The following CLMN variants were observed in gnomAD, a reference collection of about 807,000 sequenced individuals.
The protein encoded by CLMN is calmin.
A neutral mutation model predicts 92.7 loss-of-function variants in CLMN; 57 were observed. The observed-to-expected ratio is 0.61, with a 90% CI of 0.50 to 0.77. The LOEUF (loss-of-function observed/expected upper bound fraction) is 0.77. Among genes scored for constraint, CLMN ranks in the 30% least tolerant of loss-of-function variants. CLMN has a pLI of 0.00. For missense variants in CLMN, 1,158 were observed against 1,237.5 expected (o/e 0.94, Z 0.96); for synonymous variants, 466 against 470.6 (o/e 0.99, Z 0.13).
At position 95,256,913 on chromosome 14, in the gene CLMN, A is replaced by G. The variant is rs1425130176; in HGVS notation, c.83-26780T>C. ...TAGCAGATAGGGAAAAGGAGAGGGC[A>G]TTCTCCATGTTGGGAACAGCAAGGG... is the stretch of plus-strand genomic sequence containing the variant. On this transcript the variant is annotated intron_variant, in intron 1 of 12. Coordinates refer to ENST00000298912, the MANE Select transcript of CLMN (RefSeq NM_024734.4). The surrounding 1 kb of genome is among the most constrained non-coding windows in gnomAD (Gnocchi z 4.9). Among the ~76,000 whole-genome samples, 1 of 152,182 alleles carries G rather than the reference A, an allele frequency of 6.6e-6. No individual in the cohort carries two copies. Among genetic ancestry groups the G allele is most frequent in the Non-Finnish European group, 1.5e-5 (1 of 68,036 alleles).
chr14:95,288,281 G>T (rs1400992192), intron 1 of CLMN, among the ~76,000 whole-genome samples: 2 of 152,204 alleles, frequency 1.3e-5, no homozygotes, highest in Non-Finnish European at 2.9e-5. Flanking sequence ...TGATCCAGAG[G>T]ACTAAGGTGC....
intron 1 of CLMN, among the ~76,000 whole-genome samples, chr14:95,316,951 T>C (rs1566929364): frequency 6.6e-6 from 1 of 152,316 alleles, no homozygotes; most frequent in East Asian, 1.9e-4. Context: ...ACTGTAGCCC[T>C]CCTTCCATCG....
intron 1 of CLMN, among the ~76,000 whole-genome samples, chr14:95,301,790 C>T (rs1009581749): frequency 3.9e-5 from 6 of 152,236 alleles, no homozygotes; most frequent in African/African-American, 1.2e-4. Flanking sequence ...TTTCCTGGAT[C>T]ACTCAACCCC....
At chr14:95,193,964 A>G in intron 11 of CLMN, 45 bp from the exon 12 acceptor site, 7 of 1,603,662 alleles carry the variant, frequency 4.4e-6, no homozygotes. Flanking sequence ...CCCAATTAGT[A>G]AAGATGAAAT....
At position 95,319,892 on chromosome 14, in the gene CLMN, C is replaced by G. The variant is rs1901976202; in HGVS notation, c.-100G>C. On this transcript the variant is annotated 5_prime_UTR_variant, in exon 1 of 13. Coordinates refer to ENST00000298912, the MANE Select transcript of CLMN (RefSeq NM_024734.4). Reference sequence around the variant, plus strand: ...AGCGGCACGCACCCGGCGAGGGCGCCGCGGAGCTGGAGTCGCGGCGGGCGC... The same window carrying G: ...AGCGGCACGCACCCGGCGAGGGCGCGGCGGAGCTGGAGTCGCGGCGGGCGC... The G allele has an allele frequency of 2.1e-6, 1 of 473,290 alleles. No individual in the cohort carries two copies. Among genetic ancestry groups the G allele is most frequent in the African/African-American group, 2.8e-5 (1 of 35,908 alleles). The allele number at this position is 473,290 out of a possible 1,614,324, so 29.3% of individuals were successfully genotyped here. A position where few individuals can be genotyped will look rare whatever the true frequency, so the allele number is the denominator to read the frequency against.
intron 1 of CLMN, among the ~76,000 whole-genome samples, chr14:95,309,955 G>A (rs189238414): frequency 6.6e-6 from 1 of 152,228 alleles, no homozygotes; most frequent in Admixed American, 6.5e-5. Context: ...GGTTTTACCA[G>A]CTAAAACCAA....
At chr14:95,220,569 T>C (rs988320427) in intron 4 of CLMN, among the ~76,000 whole-genome samples, 1 of 152,214 alleles carries the variant, frequency 6.6e-6, no homozygotes, top group African/African-American at 2.4e-5. Context: ...TGCCATGAAC[T>C]GTAATGCGCT....
At chr14:95,255,257 C>A (rs115661262) in intron 1 of CLMN, among the ~76,000 whole-genome samples, 1 of 152,168 alleles carries the variant, frequency 6.6e-6, no homozygotes, top group Admixed American at 6.5e-5. Flanking sequence ...AGCCACCCAA[C>A]CTGGGGTACA....
chr14:95,256,467 C>T lies in CLMN; in HGVS notation c.83-26334G>A, dbSNP rs1229788090. Among the ~76,000 whole-genome samples, 2 of 152,212 alleles carry T rather than the reference C, an allele frequency of 1.3e-5. No individual in the cohort carries two copies. Among genetic ancestry groups the T allele is most frequent in the Non-Finnish European group, 2.9e-5 (2 of 68,042 alleles). On this transcript the variant is annotated intron_variant, in intron 1 of 12. Transcript: ENST00000298912. The surrounding 1 kb of genome is among the most constrained non-coding windows in gnomAD (Gnocchi z 4.9). ...CACTCTAACTCCTTCTTTGTGAACA[C>T]GTTTTGACACAGTTTGCTCCCTGTG...
chr14:95,182,160 A>G lies in CLMN; in HGVS notation c.*9404T>C, dbSNP rs1310042472. Reference sequence around the variant, plus strand: ...GCACATTCATATATTGTTTATAAAGATCTTTTTTTTTACAAAGCTACAGCT... The same window carrying G: ...GCACATTCATATATTGTTTATAAAGGTCTTTTTTTTTACAAAGCTACAGCT... On this transcript the variant is annotated 3_prime_UTR_variant, in exon 13 of 13. Coordinates refer to ENST00000298912, the MANE Select transcript of CLMN (RefSeq NM_024734.4). The G allele has an allele frequency of 1.3e-5, 2 of 152,236 alleles. No individual in the cohort carries two copies. The highest frequency in any genetic ancestry group is 1.3e-4 in the Admixed American group (2 of 15,284). 9.4% of individuals were successfully genotyped at this position (152,236 alleles called of 1,614,324 possible). A position where few individuals can be genotyped will look rare whatever the true frequency, so the allele number is the denominator to read the frequency against.
At chr14:95,301,378 TG>T (rs767992627) in intron 1 of CLMN, among the ~76,000 whole-genome samples, 8 of 152,246 alleles carry the variant, frequency 5.3e-5, no homozygotes, top group Non-Finnish European at 7.3e-5. Context: ...GCCACATGAC[TG>T]GCATTTTGTG....
intron 1 of CLMN, among the ~76,000 whole-genome samples, chr14:95,286,744 G>A (rs918448662): frequency 3.3e-5 from 5 of 152,080 alleles, no homozygotes; most frequent in Non-Finnish European, 7.4e-5. Context: ...TGCAGGGAGG[G>A]GACTGCCCTT....
intron 1 of CLMN, among the ~76,000 whole-genome samples, chr14:95,245,238 T>TTATATATATATATTA (rs1898478569): frequency 3.5e-5 from 1 of 28,194 alleles, no homozygotes; most frequent in Non-Finnish European, 5.3e-5. Context: ...TATATATATA[T>TTATATATATATATTA]TATATATATA....
chr14:95,276,351 T>G (rs1164059609), intron 1 of CLMN, among the ~76,000 whole-genome samples: 3 of 152,212 alleles, frequency 2.0e-5, no homozygotes, highest in Admixed American at 2.0e-4. Flanking sequence ...TAGCCGCTAT[T>G]CTCTTTGGAT....
At chr14:95,291,073 T>C (rs952772437) in intron 1 of CLMN, among the ~76,000 whole-genome samples, 3 of 152,254 alleles carry the variant, frequency 2.0e-5, no homozygotes, top group Non-Finnish European at 4.4e-5. Context: ...TGTCAAATTC[T>C]TAATTTCTTC....
At chr14:95,283,118 AG>A (rs978146584) in intron 1 of CLMN, among the ~76,000 whole-genome samples, 4 of 152,204 alleles carry the variant, frequency 2.6e-5, no homozygotes, top group African/African-American at 7.2e-5. Context: ...ATGTTGTGAG[AG>A]GGACCCAGTG....
In CLMN at chr14:95,216,210, A is replaced by C. The variant is rs1897340497; in HGVS notation, c.325-477T>G. Among the ~76,000 whole-genome samples, 3 of 152,290 alleles carry C rather than the reference A, an allele frequency of 2.0e-5. No individual in the cohort carries two copies. The South Asian group carries it at 6.2e-4, about 32-fold the overall frequency. ...ACAGGCAAGAGAACGTGTGCAGGGG[A>C]ATTCCCTTTTATAAAACCATCAGCT... On this transcript the variant is annotated intron_variant, in intron 4 of 12. Transcript: ENST00000298912.
At chr14:95,245,245 T>C (rs1447050812) in intron 1 of CLMN, among the ~76,000 whole-genome samples, 8 of 33,580 alleles carry the variant, frequency 2.4e-4, no homozygotes, top group African/African-American at 1.3e-3. Context: ...ATATTATATA[T>C]ATATATATAA....
intron 5 of CLMN, among the ~76,000 whole-genome samples, chr14:95,214,072 C>T (rs1326830520): frequency 6.6e-6 from 1 of 152,000 alleles, no homozygotes; most frequent in Non-Finnish European, 1.5e-5. Flanking sequence ...CTAGCTGCCC[C>T]TGCTTGGAGC....
Sources: gnomAD v4.1 joint callset for allele counts (sites outside exome capture counted in the v4.1 genomes callset) on GRCh38, gnomAD v4.1.1 for gene constraint, Gnocchi (gnomAD v3.1) non-coding constraint, MANE v1.5 for transcripts, NCBI Gene and HGNC (gene_info 2026-07-23, HGNC 2026-07-21) for gene names.